Variants in MAP3K2 observed in about 807,000 individuals in gnomAD.
The protein encoded by MAP3K2 is mitogen-activated protein kinase kinase kinase 2.
In MAP3K2, 24 loss-of-function variants were observed where a neutral mutation model predicts 80.3. The observed-to-expected ratio is 0.30, with a 90% CI of 0.22 to 0.42. The LOEUF is 0.42. Among genes scored for constraint, MAP3K2 ranks in the 10% least tolerant of loss-of-function variants. The probability of loss-of-function intolerance (pLI) is 1.00; values close to 1 mark genes in which losing one functional copy is unlikely to be tolerated. For missense variants in MAP3K2, 608 were observed against 750.1 expected, an observed-to-expected ratio of 0.81 and a Z score of 2.21; for synonymous variants, 244 against 253.7, an observed-to-expected ratio of 0.96 and a Z score of 0.36.
At chr2:127,353,255 A>G (rs1362436427) in intron 1 of MAP3K2, among the ~76,000 whole-genome samples, 1 of 151,518 alleles carries the variant, frequency 6.6e-6, no homozygotes, top group Non-Finnish European at 1.5e-5. Flanking sequence ...GGAAGTGACG[A>G]GCGTCTCTGC....
Position 127,330,012 on chromosome 2 carries a change from C to T in MAP3K2, c.379-4G>A. ...GCAATGGTTCTAAATTAGTAGCCTACAAAGGAGAAAAGACAGTTAATGCTA... is the reference window on the plus strand; with the variant it reads ...GCAATGGTTCTAAATTAGTAGCCTATAAAGGAGAAAAGACAGTTAATGCTA... On this transcript the variant is annotated splice_region_variant and splice_polypyrimidine_tract_variant and intron_variant, in intron 6 of 16. Transcript: ENST00000682094. The T allele has an allele frequency of 6.4e-7, 1 of 1,561,780 alleles. No homozygotes were observed. Among genetic ancestry groups the T allele is most frequent in the Non-Finnish European group, 8.8e-7 (1 of 1,133,838 alleles).
intron 12 of MAP3K2, among the ~76,000 whole-genome samples, chr2:127,319,236 A>G (rs1200115573): frequency 5.8e-5 from 1 of 17,374 alleles, no homozygotes; most frequent in African/African-American, 1.3e-4. Flanking sequence ...AATGCAAAAG[A>G]AAAAAAAAAA....
intron 1 of MAP3K2, among the ~76,000 whole-genome samples, chr2:127,344,065 A>G (rs1686550369): frequency 6.6e-6 from 1 of 152,186 alleles, no homozygotes; most frequent in Admixed American, 6.5e-5. Flanking sequence ...ACCTCAAACT[A>G]TGTTATTATA....
chr2:127,348,555 A>G (rs1233529274), intron 1 of MAP3K2, among the ~76,000 whole-genome samples: 1 of 152,158 alleles, frequency 6.6e-6, no homozygotes, highest in Non-Finnish European at 1.5e-5. Context: ...ACAGAGACTG[A>G]AAGTAGATTA....
intron 1 of MAP3K2, among the ~76,000 whole-genome samples, chr2:127,357,269 T>C (rs1020373748): frequency 1.1e-4 from 16 of 152,220 alleles, no homozygotes; most frequent in South Asian, 2.1e-4. Flanking sequence ...ACTGAAAAGC[T>C]GATTGTAAAA....
intron 5 of MAP3K2, among the ~76,000 whole-genome samples, chr2:127,334,528 T>C (rs1364897049): frequency 1.3e-5 from 2 of 152,080 alleles, no homozygotes; most frequent in Non-Finnish European, 2.9e-5. Flanking sequence ...ATTCCTGGGC[T>C]CAAGCTATCC....
intron 1 of MAP3K2, among the ~76,000 whole-genome samples, chr2:127,385,702 G>A (rs1687332685): frequency 6.6e-6 from 1 of 152,188 alleles, no homozygotes; most frequent in Admixed American, 6.5e-5. Flanking sequence ...TGGGAGGTGG[G>A]GGGAAATAGC....
At chr2:127,362,943 A>G (rs1203046000) in intron 1 of MAP3K2, among the ~76,000 whole-genome samples, 1 of 152,240 alleles carries the variant, frequency 6.6e-6, no homozygotes, top group African/African-American at 2.4e-5. Flanking sequence ...GCATGTGTGG[A>G]TTCAACCAAC....
intron 1 of MAP3K2, among the ~76,000 whole-genome samples, 199 bp downstream of exon 1, chr2:127,387,253 C>A (rs887359211): frequency 9.2e-5 from 14 of 152,216 alleles, no homozygotes; most frequent in Admixed American, 2.6e-4. Context: ...CTGACCTGGG[C>A]TTTAGGACTG....
At chr2:127,325,944 G>T in intron 8 of MAP3K2, 137 bp from the exon 9 acceptor site, 1 of 620,286 alleles carries the variant, frequency 1.6e-6, no homozygotes, top group Admixed American at 2.9e-5. Context: ...AAGGCTTTTA[G>T]AATACTGAGA....
At chr2:127,381,581 G>A (rs1320632505) in intron 1 of MAP3K2, among the ~76,000 whole-genome samples, 1 of 152,156 alleles carries the variant, frequency 6.6e-6, no homozygotes, top group African/African-American at 2.4e-5. Context: ...AGCCTGACAA[G>A]GATCAGCAAA....
At chr2:127,309,728 G>A (rs151113990) in intron 15 of MAP3K2, among the ~76,000 whole-genome samples, 9 of 152,184 alleles carry the variant, frequency 5.9e-5, no homozygotes, top group South Asian at 4.2e-4. Context: ...CCCTCAATTA[G>A]GATTTGTCTC....
At chr2:127,371,758 G>A (rs1452904921) in intron 1 of MAP3K2, among the ~76,000 whole-genome samples, 3 of 152,198 alleles carry the variant, frequency 2.0e-5, no homozygotes, top group Non-Finnish European at 4.4e-5. Flanking sequence ...GTCATATGAA[G>A]AGGGAATGTC....
intron 1 of MAP3K2, among the ~76,000 whole-genome samples, chr2:127,348,785 CAA>C (rs1041368052): frequency 6.6e-5 from 10 of 152,154 alleles, no homozygotes; most frequent in African/African-American, 2.4e-4. Flanking sequence ...AGGAAGGAAA[CAA>C]AATAGAAGTG....
chr2:127,308,734 G>A lies in MAP3K2; in HGVS notation c.1485C>T (p.Gly495=). The A allele has an allele frequency of 1.9e-6, 3 of 1,613,706 alleles. No homozygotes were observed. Among genetic ancestry groups the A allele is most frequent in the South Asian group, 2.2e-5 (2 of 91,046 alleles). Residue 495 remains glycine (G), a synonymous_variant, in exon 16 of 17, where the codon GGC becomes GGT. Coordinates refer to ENST00000682094, the MANE Select transcript of MAP3K2 (RefSeq NM_001371910.2). ...KGANILRDST[G]NVKLGDFGAS... is the part of the protein sequence containing the mutation. Reference sequence around the variant, plus strand: ...CCCCAAAATCTCCTAGTTTGACGTTGCCTGTTGAATCTCGCAGGATATTTG... The same window carrying A: ...CCCCAAAATCTCCTAGTTTGACGTTACCTGTTGAATCTCGCAGGATATTTG...
intron 1 of MAP3K2, among the ~76,000 whole-genome samples, chr2:127,362,595 G>A (rs1686910433): frequency 6.6e-6 from 1 of 152,064 alleles, no homozygotes; most frequent in African/African-American, 2.4e-5. Context: ...TTCTCAATCT[G>A]TACCCTGACT....
intron 1 of MAP3K2, among the ~76,000 whole-genome samples, chr2:127,356,428 CTG>C (rs1220197121): frequency 1.3e-5 from 2 of 151,426 alleles, no homozygotes; most frequent in African/African-American, 2.5e-5. Flanking sequence ...TGGCTAAAAA[CTG>C]TATATACTTT....
At chr2:127,344,776 T>A (rs1435500943) in intron 1 of MAP3K2, among the ~76,000 whole-genome samples, 2 of 152,234 alleles carry the variant, frequency 1.3e-5, no homozygotes, top group Non-Finnish European at 2.9e-5. Flanking sequence ...TACCTCACTA[T>A]GTATATGCAA....
rs780908313 is a variant in MAP3K2, at chr2:127,322,143, G to T, written c.948C>A (p.Ile316=). 1 of 1,613,778 alleles carries T rather than the reference G, an allele frequency of 6.2e-7. No homozygotes were observed. Among genetic ancestry groups the T allele is most frequent in the South Asian group, 1.1e-5 (1 of 91,056 alleles). Residue 316 remains isoleucine (I), a synonymous_variant, in exon 12 of 17, where the codon ATC becomes ATA. Transcript: ENST00000682094. The surrounding 1 kb of genome is among the most constrained non-coding windows in gnomAD (Gnocchi z 4.2). The part of the protein sequence containing the change: ...HSLSTSSGSS[I]FTPEYDDSRI... Reference sequence around the variant, plus strand: ...GACTATCATCATACTCTGGGGTAAAGATACTGCTTCCACTACTAGTGCTTA... The same window carrying T: ...GACTATCATCATACTCTGGGGTAAATATACTGCTTCCACTACTAGTGCTTA...
Sources: gnomAD v4.1 joint callset for allele counts (sites outside exome capture counted in the v4.1 genomes callset) on GRCh38, gnomAD v4.1.1 for gene constraint, Gnocchi (gnomAD v3.1) non-coding constraint, MANE v1.5 for transcripts, NCBI Gene and HGNC (gene_info 2026-07-23, HGNC 2026-07-21) for gene names.